The following CCBE1 variants were observed in gnomAD, a reference collection of about 807,000 sequenced individuals.
CCBE1 encodes the protein collagen and calcium-binding EGF domain-containing protein 1.
In CCBE1, 37 loss-of-function variants were observed where a neutral mutation model predicts 50.0. That is an observed-to-expected ratio of 0.74 (90% CI 0.57 to 0.97). The LOEUF is 0.97. Ranked by LOEUF, CCBE1 falls within the 50% of genes least tolerant of loss-of-function variation. CCBE1 has a pLI of 0.00. For missense variants in CCBE1, 538 were observed against 523.8 expected (o/e 1.03, Z -0.26); for synonymous variants, 234 against 203.7 (o/e 1.15, Z -1.27).
intron 2 of CCBE1, among the ~76,000 whole-genome samples, chr18:59,656,517 A>G (rs574680700): frequency 3.9e-5 from 6 of 152,318 alleles, no homozygotes; most frequent in African/African-American, 1.4e-4. Flanking sequence ...CCGCGGAGCC[A>G]ATGCTTTAAA....
At chr18:59,604,961 C>G (rs1458099880) in intron 2 of CCBE1, among the ~76,000 whole-genome samples, 4 of 152,232 alleles carry the variant, frequency 2.6e-5, no homozygotes, top group East Asian at 1.9e-4. Flanking sequence ...CCAGGCCCAC[C>G]TCAAACTGGA....
At chr18:59,555,987 C>A (rs1018753309) in intron 2 of CCBE1, among the ~76,000 whole-genome samples, 11 of 152,222 alleles carry the variant, frequency 7.2e-5, no homozygotes, top group African/African-American at 2.7e-4. Context: ...ACAAAGCACA[C>A]TTTACAGATC....
chr18:59,505,358 T>C (rs1392489341), intron 2 of CCBE1, among the ~76,000 whole-genome samples: 1 of 152,186 alleles, frequency 6.6e-6, no homozygotes, highest in Non-Finnish European at 1.5e-5. Flanking sequence ...GCTTATTAAC[T>C]AACCTGTGAA....
intron 3 of CCBE1, among the ~76,000 whole-genome samples, chr18:59,478,457 G>A (rs543178333): frequency 1.3e-3 from 191 of 152,306 alleles, no homozygotes; most frequent in African/African-American, 4.4e-3. Context: ...AAACAAACAT[G>A]CTATGAAAAG....
chr18:59,509,858 A>G (rs1914055317), intron 2 of CCBE1, among the ~76,000 whole-genome samples: 1 of 152,248 alleles, frequency 6.6e-6, no homozygotes, highest in Non-Finnish European at 1.5e-5. Flanking sequence ...GAGAAAAGGA[A>G]TAACTATTTA....
chr18:59,454,450 T>C (rs1049052269), intron 6 of CCBE1, among the ~76,000 whole-genome samples: 4 of 152,206 alleles, frequency 2.6e-5, no homozygotes, highest in South Asian at 2.1e-4. Context: ...TTAACCATGT[T>C]AGCTAGGCTG....
chr18:59,547,162 AGGAGAG>A (rs1199009190), intron 2 of CCBE1, among the ~76,000 whole-genome samples: 2 of 149,242 alleles, frequency 1.3e-5, no homozygotes, highest in Non-Finnish European at 3.0e-5. Flanking sequence ...GAGAGGGAAA[AGGAGAG>A]GGAGAGAGAG....
chr18:59,458,850 A>C (rs918830501), intron 5 of CCBE1, among the ~76,000 whole-genome samples: 4 of 152,228 alleles, frequency 2.6e-5, no homozygotes, highest in African/African-American at 9.7e-5. Flanking sequence ...GAACACAGTG[A>C]ACCAAGATTA....
intron 7 of CCBE1, among the ~76,000 whole-genome samples, chr18:59,443,442 T>A (rs1020720398): frequency 4.0e-5 from 6 of 150,686 alleles, no homozygotes; most frequent in African/African-American, 1.5e-4. Flanking sequence ...TAAAAACTTG[T>A]GATAAAAAAT....
intron 2 of CCBE1, among the ~76,000 whole-genome samples, chr18:59,692,844 T>A (rs1272767825): frequency 1.3e-5 from 2 of 151,730 alleles, no homozygotes; most frequent in Non-Finnish European, 2.9e-5. Flanking sequence ...ACCTGGGGCA[T>A]CCCTACCACT....
chr18:59,440,592 G>T (rs562870730), intron 7 of CCBE1, among the ~76,000 whole-genome samples: 5 of 152,208 alleles, frequency 3.3e-5, no homozygotes, highest in African/African-American at 1.2e-4. Context: ...TGGTGCAAAT[G>T]TCTCAAGGCA....
At chr18:59,455,923 C>G (rs1239361066) in intron 5 of CCBE1, among the ~76,000 whole-genome samples, 1 of 151,406 alleles carries the variant, frequency 6.6e-6, no homozygotes, top group Non-Finnish European at 1.5e-5. Flanking sequence ...ATAACCACGA[C>G]TATCTAGAAC....
chr18:59,447,302 G>T (rs1910720172), intron 7 of CCBE1, among the ~76,000 whole-genome samples: 1 of 152,162 alleles, frequency 6.6e-6, no homozygotes, highest in Non-Finnish European at 1.5e-5. Context: ...GCAGGTCAGT[G>T]TCTGCCTAGA....
Position 59,433,465 on chromosome 18 carries a change from A to G in CCBE1, c.*2443T>C, listed in dbSNP as rs1251976817. 1.3e-5 allele frequency: 2 copies of G among 152,122 alleles called. No homozygotes were observed. Among genetic ancestry groups the G allele is most frequent in the African/African-American group, 2.4e-5 (1 of 41,418 alleles). The allele number at this position is 152,122 out of a possible 1,614,324, so 9.4% of individuals were successfully genotyped here. A position where few individuals can be genotyped will look rare whatever the true frequency, so the allele number is the denominator to read the frequency against. ...AAGTGTTCATGAAAGACTCGGTCAC[A>G]TGCTGACTGACATGAGTCCTGCATT... On this transcript the variant is annotated 3_prime_UTR_variant, in exon 11 of 11. Transcript: ENST00000439986.
intron 5 of CCBE1, among the ~76,000 whole-genome samples, chr18:59,455,700 T>C (rs1362815927): frequency 6.6e-6 from 1 of 152,220 alleles, no homozygotes; most frequent in Non-Finnish European, 1.5e-5. Flanking sequence ...GCCTGCATGC[T>C]GGGGAGACCA....
At chr18:59,468,973 G>A (rs925630224) in intron 4 of CCBE1, among the ~76,000 whole-genome samples, 6 of 152,106 alleles carry the variant, frequency 3.9e-5, no homozygotes, top group Admixed American at 6.5e-5. Context: ...GTGCACGGCT[G>A]GGATAGCCAG....
intron 2 of CCBE1, among the ~76,000 whole-genome samples, chr18:59,567,976 T>C (rs1475199482): frequency 1.3e-5 from 2 of 152,244 alleles, no homozygotes; most frequent in Non-Finnish European, 2.9e-5. Flanking sequence ...TTCTTGCTCA[T>C]AGATTTTTAG....
At chr18:59,638,180 GA>G (rs2053939964) in intron 2 of CCBE1, among the ~76,000 whole-genome samples, 1 of 152,182 alleles carries the variant, frequency 6.6e-6, no homozygotes, top group Non-Finnish European at 1.5e-5. Flanking sequence ...CTCAAAACAT[GA>G]AAAGATGATC....
At chr18:59,675,925 A>T (rs2054495315) in intron 2 of CCBE1, among the ~76,000 whole-genome samples, 1 of 152,202 alleles carries the variant, frequency 6.6e-6, no homozygotes, top group Non-Finnish European at 1.5e-5. Context: ...AAAAATCAGT[A>T]TTTGGTTAGG....
Sources: gnomAD v4.1 joint callset for allele counts (sites outside exome capture counted in the v4.1 genomes callset) on GRCh38, gnomAD v4.1.1 for gene constraint, MANE v1.5 for transcripts, NCBI Gene and HGNC (gene_info 2026-07-23, HGNC 2026-07-21) for gene names.